Variants in GLDC observed in about 807,000 individuals in gnomAD.
GLDC encodes the protein glycine dehydrogenase (decarboxylating), mitochondrial.
A neutral mutation model predicts 121.3 loss-of-function variants in GLDC; 104 were observed. That is an observed-to-expected ratio of 0.86 (90% CI 0.73 to 1.01). The LOEUF (loss-of-function observed/expected upper bound fraction) is 1.01, where lower values mean the gene tolerates loss of function less well. Among genes scored for constraint, GLDC ranks in the 50% least tolerant of loss-of-function variants. GLDC has a pLI of 0.00. For missense variants in GLDC, 1,429 were observed against 1,306.6 expected (o/e 1.09, Z -1.44); for synonymous variants, 546 against 480.6 (o/e 1.14, Z -1.78).
chr9:6,595,888 G>A (rs562794528), intron 8 of GLDC, among the ~76,000 whole-genome samples: 10 of 152,192 alleles, frequency 6.6e-5, no homozygotes, highest in African/African-American at 2.4e-4. Flanking sequence ...CTTTTTTTCT[G>A]CTAGACTACT....
intron 2 of GLDC, among the ~76,000 whole-genome samples, chr9:6,632,571 G>C (rs1819406866): frequency 6.6e-6 from 1 of 152,224 alleles, no homozygotes; most frequent in African/African-American, 2.4e-5. Context: ...ACTTGTTTAA[G>C]CAAGGCACAG....
chr9:6,576,146 T>C lies in GLDC; in HGVS notation c.1851-10717A>G, dbSNP rs1475149689. Among the ~76,000 whole-genome samples the C allele has an allele frequency of 3.9e-5, 6 of 152,218 alleles. No homozygotes were observed. The East Asian group carries it at 7.7e-4, about 20-fold the overall frequency. Reference sequence around the variant, plus strand: ...AATTTATGGTTATTGTCTTAATCCATCCAGGTGCTATAACAAAATGCCAAA... The same window carrying C: ...AATTTATGGTTATTGTCTTAATCCACCCAGGTGCTATAACAAAATGCCAAA... On this transcript the variant is annotated intron_variant, in intron 15 of 24. Coordinates refer to ENST00000321612, the MANE Select transcript of GLDC (RefSeq NM_000170.3).
At chr9:6,582,354 A>G (rs1303525331) in intron 15 of GLDC, among the ~76,000 whole-genome samples, 1 of 149,570 alleles carries the variant, frequency 6.7e-6, no homozygotes, top group African/African-American at 2.5e-5. Flanking sequence ...CCCTGTCTCT[A>G]CTAAAAATAC....
At chr9:6,636,169 T>C (rs1260492917) in intron 2 of GLDC, among the ~76,000 whole-genome samples, 4 of 152,138 alleles carry the variant, frequency 2.6e-5, no homozygotes. Flanking sequence ...CCAGGCGTGA[T>C]AGTTCATGCC....
intron 3 of GLDC, among the ~76,000 whole-genome samples, chr9:6,611,810 G>T (rs1291746871): frequency 6.6e-6 from 1 of 152,082 alleles, no homozygotes; most frequent in African/African-American, 2.4e-5. Flanking sequence ...TTTATCAGAT[G>T]GACTAGATTG....
intron 3 of GLDC, among the ~76,000 whole-genome samples, chr9:6,615,997 G>A (rs867231714): frequency 6.6e-6 from 1 of 152,142 alleles, no homozygotes; most frequent in Non-Finnish European, 1.5e-5. Flanking sequence ...TCACCTGTGC[G>A]ATGATTGGGC....
intron 3 of GLDC, among the ~76,000 whole-genome samples, chr9:6,612,081 A>G (rs1452502939): frequency 6.6e-6 from 1 of 151,938 alleles, no homozygotes; most frequent in African/African-American, 2.4e-5. Context: ...TGTGTGCCTC[A>G]TTCATTCCAG....
intron 5 of GLDC, chr9:6,605,492 A>G (rs1818711480): frequency 1.6e-6 from 1 of 607,218 alleles, no homozygotes; most frequent in Non-Finnish European, 3.0e-6. Context: ...CCTCTCTTCT[A>G]TCCTCTGACT....
At chr9:6,552,146 G>A (rs1817528803) in intron 20 of GLDC, among the ~76,000 whole-genome samples, 1 of 152,178 alleles carries the variant, frequency 6.6e-6, no homozygotes, top group Non-Finnish European at 1.5e-5. Context: ...GAGAGAAGCA[G>A]CTAAAGCTAG....
At chr9:6,643,135 C>T (rs769513601) in intron 2 of GLDC, among the ~76,000 whole-genome samples, 1 of 151,968 alleles carries the variant, frequency 6.6e-6, no homozygotes, top group African/African-American at 2.4e-5. Flanking sequence ...TGGCCTCAAG[C>T]GATCCACCTG....
chr9:6,578,350 C>G (rs1406695245), intron 15 of GLDC, among the ~76,000 whole-genome samples: 1 of 151,996 alleles, frequency 6.6e-6, no homozygotes, highest in African/African-American at 2.4e-5. Flanking sequence ...CTCCTGAGCT[C>G]AAGTGATCCT....
chr9:6,581,246 G>A (rs1046783628), intron 15 of GLDC, among the ~76,000 whole-genome samples: 5 of 152,178 alleles, frequency 3.3e-5, no homozygotes, highest in Middle Eastern at 3.2e-3. Context: ...GGGACAAATC[G>A]GAGGCATGTT....
chr9:6,567,117 T>G (rs1425690963), intron 15 of GLDC: 1 of 150,384 alleles, frequency 6.6e-6, no homozygotes, highest in Non-Finnish European at 1.5e-5. Flanking sequence ...AACTGGGGGG[T>G]TTAGCTAAAA....
Position 6,588,632 on chromosome 9 carries a change from T to C in GLDC, c.1651A>G (p.Ser551Gly). The C allele has an allele frequency of 6.2e-7, 1 of 1,610,418 alleles. No individual in the cohort carries two copies. Among genetic ancestry groups the C allele is most frequent in the Non-Finnish European group, 8.5e-7 (1 of 1,176,650 alleles). Reference protein sequence around the residue: ...LENKDISLVHSMIPLGSCTMK... With the variant: ...LENKDISLVHGMIPLGSCTMK... The stretch of plus-strand genomic sequence containing the variant: ...CAAATAACTACCAGTGGAATCATGC[T>C]GTGAACAAGGGAAATGTCTTTATTT... Residue 551 changes from serine (S) to glycine (G), a missense_variant, in exon 13 of 25, where the codon AGC becomes GGC. Coordinates refer to ENST00000321612, the MANE Select transcript of GLDC (RefSeq NM_000170.3).
intron 4 of GLDC, among the ~76,000 whole-genome samples, chr9:6,608,313 G>T (rs111842727): frequency 4.8e-5 from 7 of 145,250 alleles, no homozygotes; most frequent in Middle Eastern, 4.3e-3. Context: ...TCCCAGCTAC[G>T]TGGGAGGCTG....
At chr9:6,629,463 C>T (rs1819316283) in intron 2 of GLDC, among the ~76,000 whole-genome samples, 1 of 152,042 alleles carries the variant, frequency 6.6e-6, no homozygotes, top group Non-Finnish European at 1.5e-5. Context: ...GATCTGCCTG[C>T]CTCGGCCCCC....
intron 2 of GLDC, among the ~76,000 whole-genome samples, chr9:6,640,326 G>A (rs1384460967): frequency 1.2e-4 from 18 of 152,244 alleles, no homozygotes. Context: ...CCTTGTCACA[G>A]ACTGCGGGGC....
rs373679781 is a variant in GLDC at position 6,589,203 on chromosome 9, C to G, written c.1572G>C (p.Val524=). 1 of 1,589,284 alleles carries G rather than the reference C, an allele frequency of 6.3e-7. No individual in the cohort carries two copies. Among genetic ancestry groups the G allele is most frequent in the South Asian group, 1.1e-5 (1 of 90,532 alleles). Residue 524 remains valine (V), a synonymous_variant, in exon 12 of 25, where the codon GTG becomes GTC. Transcript: ENST00000321612. ...KRTSPFLTHQ[V]FNSYHSETNI... ...ACACAAGACACACAAACCTGTTGAA[C>G]ACTTGATGGGTGAGGAACGGGCTGG...
At chr9:6,634,987 T>C (rs970000425) in intron 2 of GLDC, among the ~76,000 whole-genome samples, 7 of 152,162 alleles carry the variant, frequency 4.6e-5, no homozygotes, top group African/African-American at 1.7e-4. Context: ...TGTGGCCCCA[T>C]ACCTTGTTTT....
Sources: gnomAD v4.1 joint callset for allele counts (sites outside exome capture counted in the v4.1 genomes callset) on GRCh38, gnomAD v4.1.1 for gene constraint, MANE v1.5 for transcripts, NCBI Gene and HGNC (gene_info 2026-07-23, HGNC 2026-07-21) for gene names.